Variants in FAM120B observed in about 807,000 individuals in gnomAD.
FAM120B encodes family with sequence similarity 120 member B, also known as constitutive coactivator of peroxisome proliferator-activated receptor gamma.
FAM120B carries 83 observed loss-of-function variants against 96.3 expected under a neutral mutation model. That is an observed-to-expected ratio of 0.86 (90% CI 0.72 to 1.03). The LOEUF (loss-of-function observed/expected upper bound fraction) is 1.03, where lower values mean the gene tolerates loss of function less well. Among genes scored for constraint, FAM120B ranks in the 50% least tolerant of loss-of-function variants. The pLI is 0.00. For synonymous variants in FAM120B, 407 were observed against 402.7 expected (o/e 1.01, Z -0.13); for missense variants, 1,027 against 1,121.2 (o/e 0.92, Z 1.20).
intron 8 of FAM120B, among the ~76,000 whole-genome samples, chr6:170,391,528 C>CCAT (rs1322042400): frequency 1.3e-5 from 2 of 151,494 alleles, no homozygotes; most frequent in Non-Finnish European, 2.9e-5. Context: ...GATCGAGACT[C>CCAT]CATCTCAAAA....
At chr6:170,341,390 G>T (rs781242218) in intron 4 of FAM120B, among the ~76,000 whole-genome samples, 1 of 152,224 alleles carries the variant, frequency 6.6e-6, no homozygotes, top group Non-Finnish European at 1.5e-5. Context: ...CTGCTGTGCT[G>T]GCAGTGAGAA....
At chr6:170,400,528 C>T (rs1017667607) in intron 9 of FAM120B, among the ~76,000 whole-genome samples, 1 of 152,100 alleles carries the variant, frequency 6.6e-6, no homozygotes, top group Non-Finnish European at 1.5e-5. Context: ...TTCCCAGTGG[C>T]CTGCCCTTAG....
Position 170,318,163 on chromosome 6 carries a change from AC to A in FAM120B, c.774del (p.Asp258GlufsTer8). On this transcript the variant is annotated frameshift_variant, in exon 2 of 11. Coordinates refer to ENST00000476287, the MANE Select transcript of FAM120B (RefSeq NM_032448.3). LOFTEE classifies it high-confidence loss of function. The part of the protein sequence containing the change: ...SSYTSVKENF[D>X]KKGNIILAVS... ...TACACCTCTGTAAAAGAGAACTTTGACAAAAAAGGTAACATCATATTAGCTG... is the reference window on the plus strand; with the variant it reads ...TACACCTCTGTAAAAGAGAACTTTGAAAAAAAGGTAACATCATATTAGCTG... 6.2e-7 allele frequency: 1 copy of A among 1,614,234 alleles called. No individual in the cohort carries two copies. The highest frequency in any genetic ancestry group is 8.5e-7 in the Non-Finnish European group (1 of 1,180,044).
intron 4 of FAM120B, among the ~76,000 whole-genome samples, chr6:170,334,141 G>A (rs531902230): frequency 7.9e-5 from 12 of 152,192 alleles, no homozygotes; most frequent in African/African-American, 2.9e-4. Context: ...TCTTCTAAGT[G>A]TTGTTTTTTT....
chr6:170,301,320 C>T (rs1316383748), intron 1 of FAM120B, among the ~76,000 whole-genome samples: 3 of 152,246 alleles, frequency 2.0e-5, no homozygotes, highest in African/African-American at 7.2e-5. Context: ...ATGTCTAGAG[C>T]AGCTGGGATG....
chr6:170,295,757 C>CAG lies in FAM120B; in HGVS notation c.48+305_48+306insGA, dbSNP rs1427145146. Among the ~76,000 whole-genome samples the CAG allele has an allele frequency of 6.6e-6, 1 of 152,062 alleles. No homozygotes were observed. The highest frequency in any genetic ancestry group is 1.5e-5 in the Non-Finnish European group (1 of 67,986). On this transcript the variant is annotated intron_variant, in intron 1 of 10. Transcript: ENST00000537664. The surrounding 1 kb of genome is among the most constrained non-coding windows in gnomAD (Gnocchi z 7.8). ...GTGCAGAGAACAGGAAGACGGGCTC[C>CAG]AACCCCACCTGGTTCGTGTCGGGGG...
At chr6:170,296,685 G>A (rs1784019083) in intron 1 of FAM120B, among the ~76,000 whole-genome samples, 1 of 151,982 alleles carries the variant, frequency 6.6e-6, no homozygotes, top group African/African-American at 2.4e-5. Flanking sequence ...CGGAAACCGC[G>A]CGTTCCCAGA....
chr6:170,357,798 C>T (rs1018047293), intron 5 of FAM120B, among the ~76,000 whole-genome samples: 2 of 152,236 alleles, frequency 1.3e-5, no homozygotes, highest in East Asian at 1.9e-4. Flanking sequence ...TTCAGGCTCC[C>T]CTTCCAGCTG....
chr6:170,316,464 C>T (rs1784905364), intron 1 of FAM120B, among the ~76,000 whole-genome samples: 1 of 152,192 alleles, frequency 6.6e-6, no homozygotes, highest in South Asian at 2.1e-4. Context: ...TTTTTCTGAC[C>T]ATTCACGCAC....
At chr6:170,398,139 A>G (rs1222085189) in intron 9 of FAM120B, among the ~76,000 whole-genome samples, 2 of 152,216 alleles carry the variant, frequency 1.3e-5, no homozygotes, top group Admixed American at 6.5e-5. Context: ...AGAGTGTGCC[A>G]TCAGGCCTCC....
Position 170,330,503 on chromosome 6 carries a change from C to T in FAM120B, c.1970C>T (p.Pro657Leu), listed in dbSNP as rs1293010215. Residue 657 changes from proline (P) to leucine (L), a missense_variant, in exon 4 of 11, where the codon CCA becomes CTA. Transcript: ENST00000476287. Reference sequence around the variant, plus strand: ...GAGTGGTTTGTGTATCCTGGGAACCCACTGAGGCACCCGGACCTCGTCAGG... The same window carrying T: ...GAGTGGTTTGTGTATCCTGGGAACCTACTGAGGCACCCGGACCTCGTCAGG... ...VKEWFVYPGN[P>L]LRHPDLVRPL... 8 of 1,614,034 alleles carry T rather than the reference C, an allele frequency of 5.0e-6. No individual in the cohort carries two copies. The highest frequency in any genetic ancestry group is 6.8e-6 in the Non-Finnish European group (8 of 1,180,016).
intron 5 of FAM120B, among the ~76,000 whole-genome samples, chr6:170,354,647 G>T (rs1259298768): frequency 6.6e-6 from 1 of 152,296 alleles, no homozygotes; most frequent in African/African-American, 2.4e-5. Flanking sequence ...CATATAGCCG[G>T]GCGCGGTGGC....
At chr6:170,296,224 T>C (rs1784001811) in intron 1 of FAM120B, among the ~76,000 whole-genome samples, 1 of 149,700 alleles carries the variant, frequency 6.7e-6, no homozygotes. Context: ...GGGGGCCGGG[T>C]GTTGGGGGGT....
chr6:170,359,999 G>A (rs1458091228), intron 6 of FAM120B, among the ~76,000 whole-genome samples: 6 of 152,200 alleles, frequency 3.9e-5, no homozygotes, highest in Admixed American at 2.6e-4. Flanking sequence ...CATTGGCTGT[G>A]GGTGTTTGTA....
Position 170,363,589 on chromosome 6 carries a change from C to T in FAM120B, c.2283+5271C>T, listed in dbSNP as rs1788597202. Among the ~76,000 whole-genome samples, 1 of 152,220 alleles carries T rather than the reference C, an allele frequency of 6.6e-6. No individual in the cohort carries two copies. Among genetic ancestry groups the T allele is most frequent in the South Asian group, 2.1e-4 (1 of 4,836 alleles). Reference sequence around the variant, plus strand: ...GCAGCTTTTAGTGAAAATACAGGTCCCAGGCAAGGCCTGAAGCCCCAGTTT... The same window carrying T: ...GCAGCTTTTAGTGAAAATACAGGTCTCAGGCAAGGCCTGAAGCCCCAGTTT... On this transcript the variant is annotated intron_variant, in intron 6 of 10. Coordinates refer to ENST00000476287, the MANE Select transcript of FAM120B (RefSeq NM_032448.3). This position sits in a 1 kb window ranked among gnomAD's most constrained non-coding sequence, Gnocchi z 4.5.
chr6:170,375,033 A>C (rs764042367), intron 6 of FAM120B, among the ~76,000 whole-genome samples: 16 of 152,252 alleles, frequency 1.1e-4, no homozygotes, highest in Non-Finnish European at 2.2e-4. Flanking sequence ...CACAACCCAC[A>C]GAAGTGGCAT....
upstream of FAM120B, among the ~76,000 whole-genome samples, chr6:170,302,075 A>T (rs768000105): frequency 2.6e-5 from 4 of 152,200 alleles, no homozygotes; most frequent in Admixed American, 6.5e-5. Flanking sequence ...GTATTAGTCC[A>T]TTCTCACACT....
intron 6 of FAM120B, among the ~76,000 whole-genome samples, chr6:170,387,106 G>A (rs779898511): frequency 2.6e-5 from 4 of 152,188 alleles, no homozygotes; most frequent in Non-Finnish European, 5.9e-5. Context: ...CCCTGTGTAC[G>A]TGTGTAATGG....
chr6:170,400,872 C>T (rs1389695171), intron 9 of FAM120B, among the ~76,000 whole-genome samples: 1 of 152,088 alleles, frequency 6.6e-6, no homozygotes, highest in Non-Finnish European at 1.5e-5. Context: ...TCCCAGGGCT[C>T]CCCCAGAGCA....
Sources: allele counts gnomAD v4.1 joint callset (sites outside exome capture counted in the v4.1 genomes callset), GRCh38; gene constraint gnomAD v4.1.1; non-coding constraint Gnocchi (gnomAD v3.1); transcripts MANE v1.5; gene names NCBI Gene and HGNC (gene_info 2026-07-23, HGNC 2026-07-21).